The following CAB39 variants were observed in gnomAD, a reference collection of about 807,000 sequenced individuals.
CAB39 encodes calcium binding protein 39, also known as calcium-binding protein 39.
CAB39 carries 8 observed loss-of-function variants against 40.0 expected under a neutral mutation model. The ratio of observed to expected loss-of-function variants is 0.20; its 90% CI spans 0.12 to 0.36. The LOEUF (loss-of-function observed/expected upper bound fraction) is 0.36. Ranked by LOEUF, CAB39 falls within the 10% of genes least tolerant of loss-of-function variation. CAB39 has a pLI of 1.00. For synonymous variants in CAB39, 156 were observed against 141.6 expected, an observed-to-expected ratio of 1.10 and a Z score of -0.72; for missense variants, 270 against 401.1, an observed-to-expected ratio of 0.67 and a Z score of 2.79.
At chr2:230,813,397 T>C (rs1696338065) in intron 6 of CAB39, among the ~76,000 whole-genome samples, 1 of 152,190 alleles carries the variant, frequency 6.6e-6, no homozygotes, top group South Asian at 2.1e-4. Flanking sequence ...TCATTCATAC[T>C]ATGTCCTTCC....
Position 230,819,588 on chromosome 2 carries a change from T to A in CAB39, c.*884T>A, listed in dbSNP as rs977348337. 6.6e-6 allele frequency: 1 copy of A among 152,520 alleles called. No homozygotes were observed. Among genetic ancestry groups the A allele is most frequent in the African/African-American group, 2.4e-5 (1 of 41,458 alleles). 9.4% of individuals were successfully genotyped at this position (152,520 alleles called of 1,614,324 possible). On this transcript the variant is annotated 3_prime_UTR_variant, in exon 9 of 9. Coordinates refer to ENST00000258418, the MANE Select transcript of CAB39 (RefSeq NM_016289.4). ...AATACTGAGTTTTTGCAAAAAACAA[T>A]GAATGCTCATATGTAATTGAAATAC...
intron 4 of CAB39, among the ~76,000 whole-genome samples, chr2:230,797,712 G>C (rs1483691764): frequency 6.6e-6 from 1 of 152,166 alleles, no homozygotes; most frequent in African/African-American, 2.4e-5. Context: ...TTAGCAGGCT[G>C]TAGGCAACAG....
chr2:230,814,499 G>A (rs559755985), intron 7 of CAB39, among the ~76,000 whole-genome samples: 22 of 152,264 alleles, frequency 1.4e-4, no homozygotes, highest in African/African-American at 5.1e-4. Flanking sequence ...TGCGTGTGAG[G>A]CTGTGGACCG....
At chr2:230,813,840 G>A in intron 6 of CAB39, 1 of 456,918 alleles carries the variant, frequency 2.2e-6, no homozygotes, top group Non-Finnish European at 3.8e-6. Flanking sequence ...GAAGGGATTG[G>A]TGGGATCACC....
intron 1 of CAB39, among the ~76,000 whole-genome samples, chr2:230,716,877 C>G (rs906827035): frequency 2.6e-5 from 4 of 152,144 alleles, no homozygotes; most frequent in African/African-American, 9.7e-5. Context: ...GTGTGTGTGC[C>G]TGTTGTCCTA....
At chr2:230,724,403 C>T (rs1694515723) in intron 1 of CAB39, among the ~76,000 whole-genome samples, 2 of 151,930 alleles carry the variant, frequency 1.3e-5, no homozygotes, top group African/African-American at 2.4e-5. Flanking sequence ...CTCTATGGGC[C>T]GGGCACGGTG....
chr2:230,810,892 A>G (rs1696292037), intron 6 of CAB39, among the ~76,000 whole-genome samples: 1 of 152,222 alleles, frequency 6.6e-6, no homozygotes, highest in Admixed American at 6.5e-5. Flanking sequence ...GTTCCTGGTA[A>G]TAGTGTCCCC....
chr2:230,735,228 G>A (rs1041605271), intron 1 of CAB39, among the ~76,000 whole-genome samples: 9 of 151,896 alleles, frequency 5.9e-5, no homozygotes, highest in African/African-American at 2.2e-4. Flanking sequence ...GTGCAGTGGT[G>A]CAGTCTCGGC....
intron 1 of CAB39, among the ~76,000 whole-genome samples, chr2:230,725,673 A>C (rs1694553571): frequency 6.6e-6 from 1 of 152,186 alleles, no homozygotes; most frequent in South Asian, 2.1e-4. Flanking sequence ...ATGATACTGG[A>C]ATGTAGAATC....
intron 6 of CAB39, among the ~76,000 whole-genome samples, chr2:230,812,316 A>C (rs1203138275): frequency 6.6e-6 from 1 of 152,222 alleles, no homozygotes; most frequent in Non-Finnish European, 1.5e-5. Flanking sequence ...ACTCCGATGC[A>C]GTTCCCTGAA....
At chr2:230,768,868 G>C (rs371717749) in intron 2 of CAB39, among the ~76,000 whole-genome samples, 1 of 152,156 alleles carries the variant, frequency 6.6e-6, no homozygotes. Context: ...ATGTGGTATA[G>C]AAAACAAATA....
intron 5 of CAB39, among the ~76,000 whole-genome samples, chr2:230,805,070 A>G (rs892603483): frequency 2.0e-5 from 3 of 152,090 alleles, no homozygotes; most frequent in African/African-American, 7.3e-5. Flanking sequence ...TGCAGCCTTA[A>G]AAAAGGATGC....
chr2:230,742,989 C>T (rs11690414), intron 1 of CAB39, among the ~76,000 whole-genome samples: 1 of 151,976 alleles, frequency 6.6e-6, no homozygotes, highest in Non-Finnish European at 1.5e-5. Context: ...GCTGCATTTT[C>T]CTCTCATATG....
chr2:230,773,314 A>ATATG (rs371297550), intron 2 of CAB39, among the ~76,000 whole-genome samples: 294 of 132,674 alleles, frequency 2.2e-3, no homozygotes, highest in East Asian at 5.4e-3. Flanking sequence ...ATATATATAT[A>ATATG]TGTGTGTGTG....
chr2:230,724,693 A>G (rs1170609444), intron 1 of CAB39, among the ~76,000 whole-genome samples: 1 of 94,330 alleles, frequency 1.1e-5, no homozygotes, highest in Non-Finnish European at 2.1e-5. Context: ...AAAAAAACAC[A>G]CACGCTCACC....
At chr2:230,814,242 A>G (rs555589249) in intron 7 of CAB39, 128 bp downstream of exon 7, 7 of 559,362 alleles carry the variant, frequency 1.3e-5, no homozygotes, top group Admixed American at 6.1e-5. Context: ...GCCGAGGGTC[A>G]AGATTTTTGC....
At chr2:230,799,476 A>G (rs1696046167) in intron 5 of CAB39, among the ~76,000 whole-genome samples, 2 of 152,230 alleles carry the variant, frequency 1.3e-5, no homozygotes, top group Non-Finnish European at 1.5e-5. Flanking sequence ...TCCCCCATCT[A>G]CCTTTCCTCC....
In CAB39 at chr2:230,743,694, G is replaced by T. The variant is rs1446002682; in HGVS notation, c.-43-16265G>T. ...ATTTAGAAGAGTACTCGCTTTGATGGCAGCTTGTTTCAGTACTGAGCAAAC... is the reference window on the plus strand; with the variant it reads ...ATTTAGAAGAGTACTCGCTTTGATGTCAGCTTGTTTCAGTACTGAGCAAAC... On this transcript the variant is annotated intron_variant, in intron 1 of 8. Coordinates refer to ENST00000258418, the MANE Select transcript of CAB39 (RefSeq NM_016289.4). 2.6e-5 allele frequency among the ~76,000 whole-genome samples: 4 copies of T among 152,106 alleles called. No homozygotes were observed. In the South Asian group the frequency reaches 8.3e-4, roughly 32 times the overall value.
intron 2 of CAB39, among the ~76,000 whole-genome samples, chr2:230,775,973 CAG>C (rs1695578051): frequency 6.6e-6 from 1 of 152,180 alleles, no homozygotes; most frequent in African/African-American, 2.4e-5. Flanking sequence ...CTGTCAGAGA[CAG>C]ATACAGAGAT....
Sources: gnomAD v4.1 joint callset for allele counts (sites outside exome capture counted in the v4.1 genomes callset) on GRCh38, gnomAD v4.1.1 for gene constraint, MANE v1.5 for transcripts, NCBI Gene and HGNC (gene_info 2026-07-23, HGNC 2026-07-21) for gene names.